Variants in C2CD5 observed in about 807,000 individuals in gnomAD.
C2CD5 encodes C2 domain-containing protein 5.
A neutral mutation model predicts 130.3 loss-of-function variants in C2CD5; 109 were observed. The ratio of observed to expected loss-of-function variants is 0.84; its 90% CI spans 0.72 to 0.98. The LOEUF (loss-of-function observed/expected upper bound fraction) is 0.98. Ranked by LOEUF, C2CD5 falls within the 50% of genes least tolerant of loss-of-function variation. C2CD5 has a pLI of 0.00. For missense variants in C2CD5, 996 were observed against 1,261.8 expected, an observed-to-expected ratio of 0.79 and a Z score of 3.19; for synonymous variants, 454 against 429.2, an observed-to-expected ratio of 1.06 and a Z score of -0.71.
chr12:22,470,620 C>T (rs768427498), intron 21 of C2CD5, among the ~76,000 whole-genome samples: 1 of 152,084 alleles, frequency 6.6e-6, no homozygotes, highest in Non-Finnish European at 1.5e-5. Flanking sequence ...AAACATCAGT[C>T]AAATACCACC....
intron 10 of C2CD5, among the ~76,000 whole-genome samples, chr12:22,499,830 A>G (rs1355816162): frequency 2.0e-5 from 3 of 152,234 alleles, no homozygotes; most frequent in Non-Finnish European, 2.9e-5. Context: ...AAGCAGCATG[A>G]TAAGTAAAGG....
chr12:22,507,832 T>C (rs974617682), intron 9 of C2CD5, among the ~76,000 whole-genome samples: 13 of 152,196 alleles, frequency 8.5e-5, no homozygotes, highest in Non-Finnish European at 1.8e-4. Context: ...AAAGAACTGT[T>C]ACGGTCTCAA....
chr12:22,484,846 T>C lies in C2CD5; in HGVS notation c.1401A>G (p.Ile467Met). ...ATGGCATATTCAGTTCATCATATGG[T>C]ATATGACAAAATCCACAACGTGTAG... ...NLPTRCGFCH[I>M]PYDELNMPFP... The change falls in exon 13 of 27, where the codon ATA becomes ATG. Residue 467 changes from isoleucine to methionine, a missense_variant. This residue lies in a region of C2CD5 where 590 missense variants were observed against 631.4 expected (regional missense o/e 0.93). Coordinates refer to ENST00000446597, the MANE Select transcript of C2CD5 (RefSeq NM_001286176.2). 1.3e-6 allele frequency: 2 copies of C among 1,585,396 alleles called. No individual in the cohort carries two copies. Among genetic ancestry groups the C allele is most frequent in the Non-Finnish European group, 1.7e-6 (2 of 1,166,406 alleles).
chr12:22,476,939 C>T (rs1375642817), intron 15 of C2CD5, among the ~76,000 whole-genome samples: 1 of 151,892 alleles, frequency 6.6e-6, no homozygotes, highest in African/African-American at 2.4e-5. Context: ...AAATAATGTA[C>T]TATAAAAATA....
chr12:22,512,541 C>T lies in C2CD5; in HGVS notation c.1038+753G>A, dbSNP rs189991021. The T allele has an allele frequency of 1.3e-4, 107 of 801,714 alleles. 1 individual carries two copies. The highest frequency in any genetic ancestry group is 1.3e-3 in the South Asian group (66 of 52,532). The allele number at this position is 801,714 out of a possible 1,614,324, so 49.7% of individuals were successfully genotyped here. ...AAACTTTGCATTACGAAAAGAAAAA[C>T]GCTGTCAACATTTGCTAAGATTAAA... On this transcript the variant is annotated intron_variant, in intron 9 of 26. Coordinates refer to ENST00000446597, the MANE Select transcript of C2CD5 (RefSeq NM_001286176.2).
At chr12:22,479,360 C>T (rs542313392) in intron 14 of C2CD5, among the ~76,000 whole-genome samples, 1 of 151,792 alleles carries the variant, frequency 6.6e-6, no homozygotes, top group Non-Finnish European at 1.5e-5. Context: ...GGGCCTGAGT[C>T]ACTGGGCCCG....
At chr12:22,488,605 G>C (rs997105424) in intron 12 of C2CD5, among the ~76,000 whole-genome samples, 4 of 152,020 alleles carry the variant, frequency 2.6e-5, no homozygotes, top group African/African-American at 4.8e-5. Context: ...AGACGTGTAA[G>C]AACTATATTG....
chr12:22,488,584 A>G (rs1945897822), intron 12 of C2CD5, among the ~76,000 whole-genome samples: 1 of 152,154 alleles, frequency 6.6e-6, no homozygotes, highest in Non-Finnish European at 1.5e-5. Context: ...CAACTTAAGA[A>G]TGAAATCTAC....
At chr12:22,533,627 A>T (rs1951527574) in intron 3 of C2CD5, among the ~76,000 whole-genome samples, 1 of 152,118 alleles carries the variant, frequency 6.6e-6, no homozygotes, top group African/African-American at 2.4e-5. Flanking sequence ...ACAAGAGGAG[A>T]ACATGAGTGA....
chr12:22,449,912 A>G, intron 26 of C2CD5, 21 bp from the exon 27 acceptor site: 4 of 1,594,140 alleles, frequency 2.5e-6, no homozygotes, highest in Non-Finnish European at 3.4e-6. Flanking sequence ...AACAAACAGG[A>G]CAGGTTCAGT....
intron 10 of C2CD5, among the ~76,000 whole-genome samples, chr12:22,504,847 T>C (rs1948277960): frequency 6.6e-6 from 1 of 152,112 alleles, no homozygotes; most frequent in African/African-American, 2.4e-5. Flanking sequence ...TGGCATAGTC[T>C]TCAAGATCCC....
intron 3 of C2CD5, among the ~76,000 whole-genome samples, chr12:22,531,110 A>C (rs1951230684): frequency 6.6e-6 from 1 of 152,154 alleles, no homozygotes; most frequent in Non-Finnish European, 1.5e-5. Context: ...CTAATTCTAA[A>C]TCCATCTGAA....
intron 15 of C2CD5, among the ~76,000 whole-genome samples, chr12:22,477,495 A>C (rs976519571): frequency 3.9e-5 from 6 of 152,162 alleles, no homozygotes; most frequent in Non-Finnish European, 7.4e-5. Context: ...TAAAAGCAAT[A>C]ATGTTATACT....
intron 7 of C2CD5, chr12:22,519,191 G>T: frequency 6.5e-7 from 1 of 1,535,854 alleles, no homozygotes; most frequent in Non-Finnish European, 8.7e-7. Flanking sequence ...GAATTGGGCT[G>T]TTGTGAGTCG....
chr12:22,518,148 A>G lies in C2CD5; in HGVS notation c.801-11T>C, dbSNP rs1949940508. The G allele has an allele frequency of 3.7e-6, 6 of 1,612,938 alleles. No individual in the cohort carries two copies. The highest frequency in any genetic ancestry group is 5.1e-6 in the Non-Finnish European group (6 of 1,178,984). Reference sequence around the variant, plus strand: ...TCATTGAAGGGAATCCTGCCAGAAGAAGGTGGAGAAATATTAAGTAATCAT... The same window carrying G: ...TCATTGAAGGGAATCCTGCCAGAAGGAGGTGGAGAAATATTAAGTAATCAT... On this transcript the variant is annotated splice_polypyrimidine_tract_variant and intron_variant, in intron 7 of 26. Transcript: ENST00000446597.
chr12:22,452,432 C>T (rs1938862820), intron 26 of C2CD5, among the ~76,000 whole-genome samples: 1 of 152,076 alleles, frequency 6.6e-6, no homozygotes, highest in African/African-American at 2.4e-5. Context: ...TTTGACCACT[C>T]CACACAATCT....
chr12:22,487,688 C>T (rs988625271), intron 12 of C2CD5, among the ~76,000 whole-genome samples: 29 of 152,030 alleles, frequency 1.9e-4, no homozygotes, highest in African/African-American at 6.3e-4. Flanking sequence ...TTGACCCAGC[C>T]ATCCCATTAC....
At chr12:22,476,455 C>A (rs891602424) in intron 15 of C2CD5, among the ~76,000 whole-genome samples, 1 of 151,998 alleles carries the variant, frequency 6.6e-6, no homozygotes, top group South Asian at 2.1e-4. Flanking sequence ...TACAGTCATC[C>A]TCAACACATG....
At position 22,478,715 on chromosome 12, in the gene C2CD5, G is replaced by A. The variant is rs114371645; in HGVS notation, c.1738-238C>T. On this transcript the variant is annotated intron_variant, in intron 14 of 26. Transcript: ENST00000446597. ...ACAAAAATTAGCCAGGTGTAGTGGT[G>A]TGTGCCCATAATCCCTGCTACTCAG... Among the ~76,000 whole-genome samples, 729 of 152,100 alleles carry A rather than the reference G, an allele frequency of 4.8e-3. 7 individuals are homozygous for A. The highest frequency in any genetic ancestry group is 0.017 in the African/African-American group (698 of 41,500).
Sources: allele counts gnomAD v4.1 joint callset (sites outside exome capture counted in the v4.1 genomes callset), GRCh38; gene constraint gnomAD v4.1.1; regional missense constraint gnomAD v4.1.1; transcripts MANE v1.5; gene names NCBI Gene and HGNC (gene_info 2026-07-23, HGNC 2026-07-21).